The following ADGRF5 variants were observed in gnomAD, a reference collection of about 807,000 sequenced individuals.
ADGRF5 encodes the protein G-protein coupled receptor 116.
A neutral mutation model predicts 132.3 loss-of-function variants in ADGRF5; 75 were observed. That is an observed-to-expected ratio of 0.57 (90% CI 0.47 to 0.69). ADGRF5 has a LOEUF of 0.69. Ranked by LOEUF, ADGRF5 falls within the 30% of genes least tolerant of loss-of-function variation. The pLI, the probability that ADGRF5 is intolerant of heterozygous loss-of-function variation, is 0.00. For synonymous variants in ADGRF5, 629 were observed against 597.6 expected (o/e 1.05, Z -0.77); for missense variants, 1,516 against 1,630.6 (o/e 0.93, Z 1.21).
intron 1 of ADGRF5, among the ~76,000 whole-genome samples, chr6:46,930,022 T>C (rs1292601940): frequency 6.6e-6 from 1 of 152,084 alleles, no homozygotes; most frequent in Non-Finnish European, 1.5e-5. Context: ...GGTTTCACTA[T>C]GTTGACCAGG....
chr6:46,928,417 C>T (rs149290063), intron 1 of ADGRF5, among the ~76,000 whole-genome samples: 3 of 152,230 alleles, frequency 2.0e-5, no homozygotes, highest in Non-Finnish European at 4.4e-5. Flanking sequence ...TATTTACAAC[C>T]AGAAAAATAA....
At chr6:46,922,175 GC>G (rs1373380986), upstream of ADGRF5, among the ~76,000 whole-genome samples, 1 of 152,186 alleles carries the variant, frequency 6.6e-6, no homozygotes, top group Non-Finnish European at 1.5e-5. Context: ...ATAGGTTAGA[GC>G]TAATGAGAAG....
intron 1 of ADGRF5, among the ~76,000 whole-genome samples, chr6:46,929,504 A>AAAAAT (rs1554128366): frequency 1.1e-4 from 14 of 132,440 alleles, no homozygotes; most frequent in Non-Finnish European, 1.6e-4. Flanking sequence ...ATAATAAAAT[A>AAAAAT]AAAATAAAAA....
upstream of ADGRF5, among the ~76,000 whole-genome samples, chr6:46,924,876 A>G (rs143552801): frequency 7.9e-3 from 1,201 of 152,302 alleles, 10 homozygotes; most frequent in Non-Finnish European, 0.013. Flanking sequence ...TTCAAAATAT[A>G]TGCATAGTCT....
intron 3 of ADGRF5, among the ~76,000 whole-genome samples, chr6:46,896,341 G>A (rs770451558): frequency 1.7e-4 from 26 of 151,764 alleles, no homozygotes; most frequent in South Asian, 4.2e-4. Flanking sequence ...GCTTTTTCTC[G>A]CCTCTAGGTT....
At chr6:46,854,817 G>A (rs1355637459) in intron 20 of ADGRF5, 3 of 1,160,686 alleles carry the variant, frequency 2.6e-6, no homozygotes, top group Admixed American at 4.6e-5. Flanking sequence ...TGCTTATGGG[G>A]CCCCCAAACA....
In ADGRF5 at chr6:46,860,794, G is replaced by A. The variant is rs372399796; in HGVS notation, c.2300C>T (p.Pro767Leu). Residue 767 changes from proline to leucine, a missense_variant, in exon 16 of 21, where the codon CCT becomes CTT. Pro to Leu is a moderately conservative substitution (Grantham distance 98). Around this residue, in one of 2 missense-constraint regions of ADGRF5, gnomAD observed 945 missense variants for 929.4 expected, o/e 1.02. Coordinates refer to ENST00000283296, the MANE Select transcript of ADGRF5 (RefSeq NM_001098518.2). ...GTTAATAATGGCTCCCAGACTCCCA[G>A]GAGAAGAGCTGATTTCATGTTCCGC... ...DKAEHEISSS[P>L]GSLGAIINIL... 8.7e-6 allele frequency: 14 copies of A among 1,613,522 alleles called. No homozygotes were observed. The highest frequency in any genetic ancestry group is 1.1e-5 in the Non-Finnish European group (13 of 1,179,418).
At chr6:46,881,873 T>C (rs544270927) in intron 7 of ADGRF5, among the ~76,000 whole-genome samples, 176 bp downstream of exon 7, 1 of 152,340 alleles carries the variant, frequency 6.6e-6, no homozygotes, top group East Asian at 1.9e-4. Flanking sequence ...CAAGTCTTTT[T>C]CTCTCTTTCT....
intron 15 of ADGRF5, among the ~76,000 whole-genome samples, chr6:46,861,427 C>T (rs1769732627): frequency 6.6e-6 from 1 of 152,222 alleles, no homozygotes. Flanking sequence ...GATTACACTT[C>T]TGCTTTCTAA....
intron 19 of ADGRF5, among the ~76,000 whole-genome samples, 176 bp downstream of exon 19, chr6:46,856,542 A>G (rs526123): frequency 0.58 from 88,199 of 152,086 alleles, 29,088 homozygotes; most frequent in Non-Finnish European, 0.74. Context: ...GAGAAGCAAA[A>G]ACAATGGAAT....
intron 1 of ADGRF5, among the ~76,000 whole-genome samples, chr6:46,941,446 GAAAAGAAAAGAAAAGAAAAGAA>G (rs1778075240): frequency 9.3e-5 from 4 of 43,238 alleles, no homozygotes; most frequent in Non-Finnish European, 1.7e-4. Context: ...GAAAAGAAAA[GAAAAGAAAAGAAAAGAAAAGAA>G]AGAAAAGAAA....
At chr6:46,890,930 ACT>A (rs1773588106) in intron 3 of ADGRF5, among the ~76,000 whole-genome samples, 1 of 151,946 alleles carries the variant, frequency 6.6e-6, no homozygotes, top group Non-Finnish European at 1.5e-5. Flanking sequence ...ATCCTGGGAA[ACT>A]CTAATTGTTG....
At chr6:46,877,322 C>T (rs558260051) in intron 10 of ADGRF5, among the ~76,000 whole-genome samples, 6 of 30,284 alleles carry the variant, frequency 2.0e-4, no homozygotes, top group African/African-American at 3.0e-4. Context: ...TCCTTCCTTC[C>T]TTCTTTCTTT....
At chr6:46,952,442 G>A (rs1191716508) in intron 1 of ADGRF5, among the ~76,000 whole-genome samples, 2 of 152,128 alleles carry the variant, frequency 1.3e-5, no homozygotes, top group African/African-American at 2.4e-5. Context: ...CCTTGACTTC[G>A]AGTGGCAGAG....
In ADGRF5 at chr6:46,929,698, T is replaced by C. The variant is rs559004376; in HGVS notation, c.-24-22912A>G. Among the ~76,000 whole-genome samples the C allele has an allele frequency of 1.5e-3, 235 of 152,150 alleles. 1 individual carries two copies. Among genetic ancestry groups the C allele is most frequent in the Middle Eastern group, 6.8e-3 (2 of 292 alleles). ...AACTTGTGTTAAACTTGTTTAACGA[T>C]GTTTGGCTTTTCCTTATGATGTCTG... On this transcript the variant is annotated intron_variant, in intron 1 of 20. Coordinates refer to the ADGRF5 transcript ENST00000265417.
intron 1 of ADGRF5, among the ~76,000 whole-genome samples, chr6:46,909,541 T>C (rs1318100613): frequency 6.6e-6 from 1 of 152,216 alleles, no homozygotes; most frequent in Non-Finnish European, 1.5e-5. Flanking sequence ...GAATAAGTCA[T>C]CAAGATTCTC....
rs534781807 is a variant in ADGRF5 at position 46,873,345 on chromosome 6, C to A, written c.1241-1332G>T. ...TTTCTCATCAAGTCTTTGCGATTGGCCTTCTTCACCCTCTCCTCTACCGAA... is the reference window on the plus strand; with the variant it reads ...TTTCTCATCAAGTCTTTGCGATTGGACTTCTTCACCCTCTCCTCTACCGAA... On this transcript the variant is annotated intron_variant, in intron 10 of 20. Transcript: ENST00000283296. Among the ~76,000 whole-genome samples, 13 of 152,284 alleles carry A rather than the reference C, an allele frequency of 8.5e-5. No homozygotes were observed. The South Asian group carries it at 1.2e-3, about 15-fold the overall frequency.
At position 46,879,899 on chromosome 6, in the gene ADGRF5, A is replaced by C. The variant is rs919789558; in HGVS notation, c.955T>G (p.Phe319Val). The C allele has an allele frequency of 6.2e-7, 1 of 1,614,004 alleles. No homozygotes were observed. Among genetic ancestry groups the C allele is most frequent in the African/African-American group, 1.3e-5 (1 of 74,914 alleles). ...TTGAAAAGTGCGGTGTAAATCGAGA[A>C]TCTGCTGCTGTTCTGGATTTCCAAC... Reference protein sequence around the residue: ...QQLEIQNSSRFSIYTALFNNM... With the variant: ...QQLEIQNSSRVSIYTALFNNM... Residue 319 changes from phenylalanine to valine, a missense_variant, in exon 9 of 21, where the codon TTC becomes GTC. Phe to Val is a conservative substitution (Grantham distance 50). Coordinates refer to ENST00000283296, the MANE Select transcript of ADGRF5 (RefSeq NM_001098518.2).
In ADGRF5 at chr6:46,860,899, T is replaced by C; in HGVS notation, c.2200-5A>G. 6.3e-7 allele frequency: 1 copy of C among 1,584,506 alleles called. No individual in the cohort carries two copies. Among genetic ancestry groups the C allele is most frequent in the Non-Finnish European group, 8.6e-7 (1 of 1,162,688 alleles). On this transcript the variant is annotated splice_polypyrimidine_tract_variant and splice_region_variant and intron_variant, in intron 15 of 20. Coordinates refer to ENST00000283296, the MANE Select transcript of ADGRF5 (RefSeq NM_001098518.2). ...AGAGGGGCTCTTGATCAAAGCCTAGTAAAACAAAAGCCAACACAAAAAAAA... is the reference window on the plus strand; with the variant it reads ...AGAGGGGCTCTTGATCAAAGCCTAGCAAAACAAAAGCCAACACAAAAAAAA...
Sources: allele counts gnomAD v4.1 joint callset (sites outside exome capture counted in the v4.1 genomes callset), GRCh38; gene constraint gnomAD v4.1.1; regional missense constraint gnomAD v4.1.1; transcripts MANE v1.5; gene names NCBI Gene and HGNC (gene_info 2026-07-23, HGNC 2026-07-21).